Variants in ADGRG2 observed in about 807,000 individuals in gnomAD.
ADGRG2 encodes the protein adhesion G protein-coupled receptor G2.
ADGRG2 carries 26 observed loss-of-function variants against 74.1 expected under a neutral mutation model. That is an observed-to-expected ratio of 0.35 (90% CI 0.26 to 0.49). ADGRG2 has a LOEUF of 0.49. Ranked by LOEUF, ADGRG2 falls within the 20% of genes least tolerant of loss-of-function variation. The probability of loss-of-function intolerance (pLI) is 0.99; values close to 1 mark genes in which losing one functional copy is unlikely to be tolerated. For synonymous variants in ADGRG2, 296 were observed against 295.2 expected (o/e 1.00, Z -0.03); for missense variants, 619 against 763.1 (o/e 0.81, Z 2.22).
At chrX:19,055,616 T>C (rs191079915) in intron 3 of ADGRG2, among the ~76,000 whole-genome samples, 20 of 111,397 alleles carry the variant, frequency 1.8e-4, no homozygotes, top group Non-Finnish European at 3.2e-4. Context: ...TGATAATTAC[T>C]AGTATTTACT....
chrX:19,064,967 A>G, intron 3 of ADGRG2, among the ~76,000 whole-genome samples: 1 of 110,983 alleles, frequency 9.0e-6, no homozygotes, highest in Middle Eastern at 4.3e-3. Flanking sequence ...GAGTGCTATC[A>G]AGGTGATTAT....
At chrX:19,010,854 T>C in intron 16 of ADGRG2, 76 bp from the exon 17 acceptor site, 1 of 718,925 alleles carries the variant, frequency 1.4e-6, no homozygotes, top group East Asian at 3.4e-5. Flanking sequence ...ACATAGACCC[T>C]GTGATATGGC....
chrX:19,012,005 G>C (rs1199680550), intron 16 of ADGRG2, among the ~76,000 whole-genome samples: 1 of 112,063 alleles, frequency 8.9e-6, no homozygotes. Flanking sequence ...AAATCTTTAT[G>C]CATGTGTATT....
chrX:19,075,617 C>CAAAAAAAAAAA (rs61690480), intron 2 of ADGRG2, among the ~76,000 whole-genome samples: 12 of 39,452 alleles, frequency 3.0e-4, no homozygotes, highest in Non-Finnish European at 4.4e-4. Flanking sequence ...GACTTCGCCT[C>CAAAAAAAAAAA]AAAAAAAAAA....
intron 26 of ADGRG2, 41 bp from the exon 27 acceptor site, chrX:18,996,193 T>C (rs368306080): frequency 3.1e-5 from 19 of 618,603 alleles, no homozygotes; most frequent in Middle Eastern, 6.1e-4. Context: ...TCCAAGCTAA[T>C]AGCTGAATGT....
rs183214420 is a variant in ADGRG2 at position 19,021,002 on chromosome X, G to A, written c.643+102C>T. 10 of 531,440 alleles carry A rather than the reference G, an allele frequency of 1.9e-5. No homozygotes were observed. The African/African-American group carries it at 2.2e-4, about 11-fold the overall frequency. 43.8% of individuals were successfully genotyped at this position (531,440 alleles called of 1,213,427 possible). Reference sequence around the variant, plus strand: ...GCCCAAGGACAAAGGAGTCAAAACAGAAAGCTGTAACATATGTAAATTTAT... The same window carrying A: ...GCCCAAGGACAAAGGAGTCAAAACAAAAAGCTGTAACATATGTAAATTTAT... On this transcript the variant is annotated intron_variant, in intron 14 of 28. Coordinates refer to ENST00000379869, the MANE Select transcript of ADGRG2 (RefSeq NM_001079858.3).
At chrX:19,021,977 T>C (rs2060599092) in intron 13 of ADGRG2, among the ~76,000 whole-genome samples, 1 of 108,644 alleles carries the variant, frequency 9.2e-6, no homozygotes, top group South Asian at 4.3e-4. Context: ...CCAAAATCTT[T>C]CTGGGGCCGG....
At position 19,077,280 on chromosome X, in the gene ADGRG2, T is replaced by A. The variant is rs775103508; in HGVS notation, c.-2+5422A>T. Among the ~76,000 whole-genome samples, 3 of 99,385 alleles carry A rather than the reference T, an allele frequency of 3.0e-5. No homozygotes were observed. In the South Asian group the frequency reaches 1.4e-3, roughly 47 times the overall value. 86.3% of individuals were successfully genotyped at this position (99,385 alleles called of 115,157 possible). The stretch of plus-strand genomic sequence containing the variant: ...GGGAGGCCGAAGCGGGTGGATCACC[T>A]GAGGTCAGGAATTTGAGACCAGCCT... On this transcript the variant is annotated intron_variant, in intron 2 of 28. Coordinates refer to ENST00000379869, the MANE Select transcript of ADGRG2 (RefSeq NM_001079858.3).
intron 2 of ADGRG2, among the ~76,000 whole-genome samples, chrX:19,077,432 A>G (rs1410692743): frequency 9.5e-6 from 1 of 105,431 alleles, no homozygotes; most frequent in Non-Finnish European, 2.0e-5. Context: ...GAGAATCGCT[A>G]GAACCCAGGA....
Position 19,023,933 on chromosome X carries a change from G to A in ADGRG2, c.486C>T (p.Asn162=). ...SLSELKRSEL[N]KTLQTLSETY... ...CCTCACTTAGGGTTTGCAGGGTTTT[G>A]TTGAGCTCTGAGCGTCTGTAATAAA... The change falls in exon 12 of 29, where the codon AAC becomes AAT. Residue 162 remains asparagine, a synonymous_variant. Coordinates refer to ENST00000379869, the MANE Select transcript of ADGRG2 (RefSeq NM_001079858.3). 8.4e-7 allele frequency: 1 copy of A among 1,187,259 alleles called. No individual in the cohort carries two copies. The highest frequency in any genetic ancestry group is 1.1e-6 in the Non-Finnish European group (1 of 873,563).
Position 19,002,911 on chromosome X carries a change from G to A in ADGRG2, c.2165C>T (p.Ala722Val). ...GTAAGTATTAAATACTTTGACAAGG[G>A]CCAGGTACATATGGAATGCTTCTAG... ...MGLEAFHMYLALVKVFNTYIR... is the reference protein window; with the variant it reads ...MGLEAFHMYLVLVKVFNTYIR... The change falls in exon 24 of 29, where the codon GCC becomes GTC. Residue 722 changes from alanine to valine, a missense_variant. Ala to Val is a moderately conservative substitution (Grantham distance 64). Around this residue, in one of 3 missense-constraint regions of ADGRG2, gnomAD observed 221 missense variants for 340.6 expected, o/e 0.65. Transcript: ENST00000379869. 8.3e-7 allele frequency: 1 copy of A among 1,200,310 alleles called. No individual in the cohort carries two copies. Among genetic ancestry groups the A allele is most frequent in the Non-Finnish European group, 1.1e-6 (1 of 885,245 alleles).
At chrX:19,047,007 G>A (rs2061205608) in intron 3 of ADGRG2, among the ~76,000 whole-genome samples, 1 of 112,041 alleles carries the variant, frequency 8.9e-6, no homozygotes, top group African/African-American at 3.2e-5. Context: ...GATGGGGAAT[G>A]GATCTGAAAG....
intron 1 of ADGRG2, among the ~76,000 whole-genome samples, chrX:19,121,731 T>C (rs1013365978): frequency 3.6e-5 from 4 of 110,212 alleles, no homozygotes; most frequent in African/African-American, 1.3e-4. Flanking sequence ...CAGTACAGAC[T>C]GTCACTGTCG....
intron 3 of ADGRG2, among the ~76,000 whole-genome samples, chrX:19,063,880 T>C (rs911119236): frequency 2.7e-5 from 3 of 109,974 alleles, no homozygotes; most frequent in African/African-American, 1.0e-4. Flanking sequence ...AGAAGCAGAG[T>C]GGGGGAATAT....
intron 1 of ADGRG2, among the ~76,000 whole-genome samples, chrX:19,114,491 G>A (rs1351210208): frequency 9.0e-6 from 1 of 111,129 alleles, no homozygotes; most frequent in East Asian, 2.8e-4. Context: ...AGTGGGCAGC[G>A]GGCTTTCAGA....
At chrX:19,012,920 C>T (rs187446547) in intron 16 of ADGRG2, among the ~76,000 whole-genome samples, 33 of 111,389 alleles carry the variant, frequency 3.0e-4, no homozygotes, top group Non-Finnish European at 5.7e-4. Flanking sequence ...ATCTCTGTAC[C>T]ACTAAGCCCA....
Position 19,031,020 on chromosome X carries a change from T to C in ADGRG2, c.322A>G (p.Asn108Asp), listed in dbSNP as rs763314550. 8.3e-7 allele frequency: 1 copy of C among 1,198,669 alleles called. No individual in the cohort carries two copies. The highest frequency in any genetic ancestry group is 2.2e-5 in the Admixed American group (1 of 45,915). ...CAAATAGATGACAAATTGCAGATAT[T>C]TCTCTGGGGTTTGACGCCTGCAAAG... Reference protein sequence around the residue: ...FNASGVKPQRNICNLSSICND... With the variant: ...FNASGVKPQRDICNLSSICND... The change falls in exon 9 of 29, where the codon AAT becomes GAT. Residue 108 changes from asparagine (N) to aspartate (D), a missense_variant. By Grantham distance (23) the Asn-to-Asp change is conservative. Around this residue, in one of 3 missense-constraint regions of ADGRG2, gnomAD observed 292 missense variants for 318.0 expected, o/e 0.92. Coordinates refer to ENST00000379869, the MANE Select transcript of ADGRG2 (RefSeq NM_001079858.3).
At chrX:19,054,077 C>T (rs1341123391) in intron 3 of ADGRG2, among the ~76,000 whole-genome samples, 1 of 111,939 alleles carries the variant, frequency 8.9e-6, no homozygotes. Flanking sequence ...ACAGCCAAAC[C>T]ATATCAAGGA....
intron 3 of ADGRG2, among the ~76,000 whole-genome samples, chrX:19,048,726 T>C (rs766638612): frequency 1.8e-5 from 2 of 112,546 alleles, no homozygotes; most frequent in East Asian, 5.6e-4. Context: ...TCTACGCTGC[T>C]GGTCCTGGCC....
Sources: allele counts gnomAD v4.1 joint callset (sites outside exome capture counted in the v4.1 genomes callset), GRCh38; gene constraint gnomAD v4.1.1; regional missense constraint gnomAD v4.1.1; transcripts MANE v1.5; gene names NCBI Gene and HGNC (gene_info 2026-07-23, HGNC 2026-07-21).